SDHAF4: variants seen among roughly 807,000 people sequenced by gnomAD.
SDHAF4 encodes the protein succinate dehydrogenase complex assembly factor 4.
Under a neutral mutation model 14.3 loss-of-function variants are expected in SDHAF4, and 14 were observed. The ratio of observed to expected loss-of-function variants is 0.98; its 90% CI spans 0.65 to 1.53. SDHAF4 has a LOEUF of 1.53. Among genes scored for constraint, SDHAF4 ranks in the 40% most tolerant of loss-of-function variants. The pLI, the probability that SDHAF4 is intolerant of heterozygous loss-of-function variation, is 0.00. For missense variants in SDHAF4, 141 were observed against 129.3 expected (o/e 1.09, Z -0.44); for synonymous variants, 63 against 47.3 (o/e 1.33, Z -1.36).
rs202098262 is a variant in SDHAF4, at chr6:70,573,264, C to CTTTTTTTTTTTTTTTTT, written c.65-6149_65-6133dup. Among the ~76,000 whole-genome samples, 44 of 110,412 alleles carry CTTTTTTTTTTTTTTTTT rather than the reference C, an allele frequency of 4.0e-4. 3 individuals carry two copies. The highest frequency in any genetic ancestry group is 6.4e-4 in the African/African-American group (14 of 21,892). The allele number at this position is 110,412 out of a possible 152,430, so 72.4% of individuals were successfully genotyped here. ...AATTGTATTTATTCTGCTATTTGGC[C>CTTTTTTTTTTTTTTTTT]TTTTTTTTTTTTTTTTTGAGACGGA... is the stretch of plus-strand genomic sequence containing the variant. On this transcript the variant is annotated intron_variant, in intron 1 of 2. Transcript: ENST00000370474.
chr6:70,590,249 TAAAAA>T (rs1056407262), downstream of SDHAF4, among the ~76,000 whole-genome samples: 6 of 141,282 alleles, frequency 4.2e-5, no homozygotes, highest in African/African-American at 1.6e-4. Flanking sequence ...AAAAAAAAAA[TAAAAA>T]GCAAAGAAAA....
rs70990317 is a variant in SDHAF4 at position 70,588,842 on chromosome 6, A to AATATATAT, written c.*125_*132dup. Reference sequence around the variant, plus strand: ...TCGTGTAGTTTGTATAATGTGTTTAAATATATATATATATGATGGCTTTGG... The same window carrying AATATATAT: ...TCGTGTAGTTTGTATAATGTGTTTAAATATATATATATATATATATATGATGGCTTTGG... On this transcript the variant is annotated 3_prime_UTR_variant, in exon 3 of 3. Transcript: ENST00000370474. The AATATATAT allele has an allele frequency of 0.086, 29,261 of 341,626 alleles. 1,849 individuals carry two copies. The highest frequency in any genetic ancestry group is 0.15 in the African/African-American group (6,423 of 42,854). 21.2% of individuals were successfully genotyped at this position (341,626 alleles called of 1,614,324 possible).
chr6:70,570,229 CT>C (rs1205302377), intron 1 of SDHAF4, among the ~76,000 whole-genome samples: 7 of 151,960 alleles, frequency 4.6e-5, no homozygotes, highest in African/African-American at 1.7e-4. Context: ...TCTAAATTAC[CT>C]TATTAATTTA....
In SDHAF4 at chr6:70,588,866, G is replaced by A. The variant is rs559479551; in HGVS notation, c.*142G>A. On this transcript the variant is annotated 3_prime_UTR_variant, in exon 3 of 3. Transcript: ENST00000370474. ...AAATATATATATATATGATGGCTTT[G>A]GAAGAAAATATGCTGCTGTAAATTA... The A allele has an allele frequency of 3.8e-4, 90 of 236,598 alleles. 3 individuals are homozygous for A. The East Asian group carries it at 4.1e-3, about 11-fold the overall frequency. 14.7% of individuals were successfully genotyped at this position (236,598 alleles called of 1,614,324 possible).
At chr6:70,594,046 C>T (rs1765281291), downstream of SDHAF4, among the ~76,000 whole-genome samples, 1 of 152,148 alleles carries the variant, frequency 6.6e-6, no homozygotes, top group East Asian at 1.9e-4. Flanking sequence ...TGTTAGGGGC[C>T]GATTACTCCA....
intron 1 of SDHAF4, among the ~76,000 whole-genome samples, chr6:70,570,552 G>T (rs73480261): frequency 0.043 from 6,453 of 151,602 alleles, 298 homozygotes; most frequent in African/African-American, 0.1. Context: ...TGAGAGCCTC[G>T]GCCTCTCAAA....
At position 70,567,289 on chromosome 6, in the gene SDHAF4, T is replaced by G. The variant is rs1286896980; in HGVS notation, c.64+285T>G. ...GGTGGCCCAACAGGACCACAAACGT[T>G]CCGGGTTGTTCCTGTGGGAGCTCGC... On this transcript the variant is annotated intron_variant, in intron 1 of 2. Transcript: ENST00000370474. 6.6e-6 allele frequency: 3 copies of G among 455,084 alleles called. No individual in the cohort carries two copies. In the East Asian group the frequency reaches 1.2e-4, roughly 18 times the overall value. The allele number at this position is 455,084 out of a possible 1,614,324, so 28.2% of individuals were successfully genotyped here. A position where few individuals can be genotyped will look rare whatever the true frequency, so the allele number is the denominator to read the frequency against.
At chr6:70,569,005 G>A (rs569205140) in intron 1 of SDHAF4, among the ~76,000 whole-genome samples, 177 of 116,204 alleles carry the variant, frequency 1.5e-3, no homozygotes, top group Non-Finnish European at 2.2e-3. Flanking sequence ...TCGCTCTGTC[G>A]CCCGGGCTGG....
chr6:70,573,264 C>CTTTTTTTTTT (rs202098262), intron 1 of SDHAF4, among the ~76,000 whole-genome samples: 1,786 of 110,226 alleles, frequency 0.016, 238 homozygotes, highest in African/African-American at 0.048. Flanking sequence ...GCTATTTGGC[C>CTTTTTTTTTT]TTTTTTTTTT....
At chr6:70,597,299 A>ATTTTTTTTTTTTTTTTTTT in the SDHAF4 span, among the ~76,000 whole-genome samples, 22 of 108,100 alleles carry the variant, frequency 2.0e-4, no homozygotes, top group Non-Finnish European at 2.7e-4. Context: ...CGCCTGGCTA[A>ATTTTTTTTTTTTTTTTTTT]TTTTTTTTTT....
At chr6:70,576,582 T>G (rs1177829052) in intron 1 of SDHAF4, among the ~76,000 whole-genome samples, 1 of 152,204 alleles carries the variant, frequency 6.6e-6, no homozygotes, top group Non-Finnish European at 1.5e-5. Context: ...CTTAACCACT[T>G]GTATGCATAT....
downstream of SDHAF4, among the ~76,000 whole-genome samples, chr6:70,593,681 A>G (rs1765278341): frequency 7.1e-6 from 1 of 141,298 alleles, no homozygotes; most frequent in Admixed American, 6.9e-5. Context: ...TCCAGCTTCA[A>G]GGGTTTTTTT....
intron 2 of SDHAF4, among the ~76,000 whole-genome samples, chr6:70,581,730 C>G (rs1214875152): frequency 1.3e-5 from 2 of 152,068 alleles, no homozygotes; most frequent in Non-Finnish European, 2.9e-5. Context: ...GCCTCAGTCT[C>G]CTGAGTAAGT....
Position 70,588,671 on chromosome 6 carries a change from G to A in SDHAF4, c.274G>A (p.Glu92Lys). Residue 92 changes from glutamate to lysine, a missense_variant, in exon 3 of 3, where the codon GAA becomes AAA. Glu to Lys is a moderately conservative substitution (Grantham distance 56). Transcript: ENST00000370474. Reference sequence around the variant, plus strand: ...AGAAAAAGGTGGACCCAGGGGCCCAGAACCTACCCGATATGGAGATTGGGA... The same window carrying A: ...AGAAAAAGGTGGACCCAGGGGCCCAAAACCTACCCGATATGGAGATTGGGA... Reference protein sequence around the residue: ...TKEKGGPRGPEPTRYGDWERK... With the variant: ...TKEKGGPRGPKPTRYGDWERK... The A allele has an allele frequency of 6.2e-7, 1 of 1,606,144 alleles. No individual in the cohort carries two copies. The highest frequency in any genetic ancestry group is 8.5e-7 in the Non-Finnish European group (1 of 1,174,682).
chr6:70,575,726 T>TGTGTGAGA (rs141835202), intron 1 of SDHAF4, among the ~76,000 whole-genome samples: 48 of 151,126 alleles, frequency 3.2e-4, no homozygotes, highest in South Asian at 1.0e-3. Context: ...TGTGTGTGTG[T>TGTGTGAGA]GAGAGAGAGA....
intron 2 of SDHAF4, among the ~76,000 whole-genome samples, chr6:70,586,479 G>A (rs2691498): frequency 0.58 from 76,571 of 131,468 alleles, 21,867 homozygotes; most frequent in East Asian, 0.83. Context: ...TGTGAGCCCT[G>A]TGAGGGAAGG....
Position 70,588,839 on chromosome 6 carries a change from T to A in SDHAF4, c.*115T>A. 1 of 333,656 alleles carries A rather than the reference T, an allele frequency of 3.0e-6. No individual in the cohort carries two copies. The allele number at this position is 333,656 out of a possible 1,614,324, so 20.7% of individuals were successfully genotyped here. On this transcript the variant is annotated 3_prime_UTR_variant, in exon 3 of 3. Coordinates refer to ENST00000370474, the MANE Select transcript of SDHAF4 (RefSeq NM_145267.3). The stretch of plus-strand genomic sequence containing the variant: ...ATGTCGTGTAGTTTGTATAATGTGT[T>A]TAAATATATATATATATGATGGCTT...
chr6:70,583,174 G>T (rs574412603), intron 2 of SDHAF4, among the ~76,000 whole-genome samples: 1 of 152,154 alleles, frequency 6.6e-6, no homozygotes, highest in African/African-American at 2.4e-5. Context: ...GGACAATGGC[G>T]CAATTTCAGC....
the SDHAF4 span, among the ~76,000 whole-genome samples, chr6:70,597,864 G>A: frequency 6.6e-6 from 1 of 152,120 alleles, no homozygotes; most frequent in Non-Finnish European, 1.5e-5. Context: ...AAATTTTTAA[G>A]CCCTTCCTGG....
Sources: gnomAD v4.1 joint callset for allele counts (sites outside exome capture counted in the v4.1 genomes callset) on GRCh38, gnomAD v4.1.1 for gene constraint, MANE v1.5 for transcripts, NCBI Gene and HGNC (gene_info 2026-07-23, HGNC 2026-07-21) for gene names.